LAMA3: variants seen among roughly 807,000 people sequenced by gnomAD.
LAMA3 encodes the protein laminin subunit alpha-3.
LAMA3 carries 281 observed loss-of-function variants against 402.0 expected under a neutral mutation model. The observed-to-expected ratio is 0.70, with a 90% CI of 0.63 to 0.77. The LOEUF is 0.77. Among genes scored for constraint, LAMA3 ranks in the 30% least tolerant of loss-of-function variants. LAMA3 has a pLI of 0.00. For synonymous variants in LAMA3, 1,431 were observed against 1,558.4 expected (o/e 0.92, Z 1.93); for missense variants, 3,840 against 4,215.5 (o/e 0.91, Z 2.47).
chr18:23,861,830 C>T, intron 35 of LAMA3, 23 bp downstream of exon 35: 1 of 1,603,522 alleles, frequency 6.2e-7, no homozygotes, highest in Non-Finnish European at 8.5e-7. Context: ...TGCTGTTCTT[C>T]TGGGCCCTCA....
At chr18:23,864,290 A>G (rs1023523189) in intron 35 of LAMA3, among the ~76,000 whole-genome samples, 1 of 151,598 alleles carries the variant, frequency 6.6e-6, no homozygotes, top group Non-Finnish European at 1.5e-5. Context: ...GCAGTGGTAC[A>G]ATAATAGCTC....
intron 12 of LAMA3, among the ~76,000 whole-genome samples, chr18:23,796,417 A>G (rs969757289): frequency 3.9e-5 from 6 of 152,178 alleles, no homozygotes; most frequent in Admixed American, 1.3e-4. Flanking sequence ...AGGTACCCCC[A>G]TGGTAAAATC....
chr18:23,916,383 G>A (rs1187352621), intron 59 of LAMA3, among the ~76,000 whole-genome samples, 168 bp from the exon 60 acceptor site: 1 of 152,134 alleles, frequency 6.6e-6, no homozygotes, highest in African/African-American at 2.4e-5. Flanking sequence ...GAAAGAGCTG[G>A]CTGCCTTAAC....
At chr18:23,799,394 G>T (rs1568196476) in intron 12 of LAMA3, among the ~76,000 whole-genome samples, 1 of 152,222 alleles carries the variant, frequency 6.6e-6, no homozygotes, top group Non-Finnish European at 1.5e-5. Context: ...GGATTTGGCA[G>T]TTTTTACTAA....
chr18:23,914,749 A>G lies in LAMA3; in HGVS notation c.7533A>G (p.Lys2511=). The G allele has an allele frequency of 6.2e-7, 1 of 1,613,718 alleles. No individual in the cohort carries two copies. The highest frequency in any genetic ancestry group is 8.5e-7 in the Non-Finnish European group (1 of 1,179,694). The change falls in exon 58 of 75, where the codon AAA becomes AAG. Residue 2511 remains lysine (K), a synonymous_variant. Coordinates refer to ENST00000313654, the MANE Select transcript of LAMA3 (RefSeq NM_198129.4). ...LNYTKGATSS[K]PETPGVYDMD... ...ACACCAAAGGAGCCACATCCAGTAA[A>G]CCAGAAACACCCGGAGTCTATGACA...
intron 1 of LAMA3, among the ~76,000 whole-genome samples, chr18:23,710,588 A>G (rs1342035058): frequency 6.6e-6 from 1 of 152,098 alleles, no homozygotes; most frequent in African/African-American, 2.4e-5. Flanking sequence ...TCACTTCTAG[A>G]TCCACAGTCT....
rs370761841 is a variant in LAMA3, at chr18:23,816,372, G to A, written c.2048-16G>A. The stretch of plus-strand genomic sequence containing the variant: ...GATGGTTTAAGGTATAACTGCTGCT[G>A]TTTCCTGGCTTTCAGGGTGTCAGTG... On this transcript the variant is annotated splice_polypyrimidine_tract_variant and intron_variant, in intron 17 of 74. Transcript: ENST00000313654. 3.1e-6 allele frequency: 5 copies of A among 1,610,404 alleles called. No individual in the cohort carries two copies. The highest frequency in any genetic ancestry group is 1.7e-4 in the Middle Eastern group (1 of 6,060).
intron 8 of LAMA3, among the ~76,000 whole-genome samples, chr18:23,772,330 G>C (rs1479957295): frequency 6.6e-6 from 1 of 152,202 alleles, no homozygotes; most frequent in Admixed American, 6.5e-5. Context: ...GTGAGCCACT[G>C]CACCTGGGCT....
rs550961372 is a variant in LAMA3 at position 23,880,641 on chromosome 18, G to A, written c.5113-1295G>A. ...TGCCTATAATCCCAGCACTTTGGGAGGCCGAGGCGGGCGAATCATGAAGTC... is the reference window on the plus strand; with the variant it reads ...TGCCTATAATCCCAGCACTTTGGGAAGCCGAGGCGGGCGAATCATGAAGTC... On this transcript the variant is annotated intron_variant, in intron 39 of 74. Transcript: ENST00000313654. 7.3e-4 allele frequency among the ~76,000 whole-genome samples: 111 copies of A among 152,236 alleles called. 1 individual carries two copies. Among genetic ancestry groups the A allele is most frequent in the Non-Finnish European group, 1.2e-3 (82 of 68,044 alleles).
At chr18:23,858,903 C>T (rs2064150305) in intron 34 of LAMA3, 74 bp downstream of exon 34, 2 of 1,434,050 alleles carry the variant, frequency 1.4e-6, no homozygotes, top group Non-Finnish European at 2.0e-6. Context: ...TCCCTCGCTG[C>T]TCCTTGGCCT....
intron 47 of LAMA3, among the ~76,000 whole-genome samples, chr18:23,900,845 G>A (rs2081046493): frequency 6.6e-6 from 1 of 152,172 alleles, no homozygotes; most frequent in African/African-American, 2.4e-5. Context: ...AAGCCCGACT[G>A]GCCATGTAAC....
At chr18:23,752,264 C>G (rs1238214987) in intron 5 of LAMA3, among the ~76,000 whole-genome samples, 1 of 152,076 alleles carries the variant, frequency 6.6e-6, no homozygotes, top group Admixed American at 6.5e-5. Flanking sequence ...GGCTGTGTTT[C>G]TGTTCCTCCA....
intron 62 of LAMA3, among the ~76,000 whole-genome samples, chr18:23,927,614 C>T (rs2082043612): frequency 6.6e-6 from 1 of 151,848 alleles, no homozygotes; most frequent in South Asian, 2.1e-4. Flanking sequence ...TTGAATAGAA[C>T]CAAAAAGTAA....
chr18:23,919,064 C>T (rs1287398230), intron 60 of LAMA3, among the ~76,000 whole-genome samples: 1 of 152,204 alleles, frequency 6.6e-6, no homozygotes, highest in African/African-American at 2.4e-5. Flanking sequence ...AGAAATACTA[C>T]TCATATAATA....
chr18:23,951,624 G>A (rs1050775054), intron 72 of LAMA3, 60 bp from the exon 73 acceptor site: 28 of 1,355,052 alleles, frequency 2.1e-5, no homozygotes, highest in Non-Finnish European at 2.9e-5. Flanking sequence ...GAAGATGGCA[G>A]GGGAAGGTCG....
chr18:23,954,960 T>C lies in LAMA3; in HGVS notation c.*312T>C. The C allele has an allele frequency of 3.0e-6, 1 of 336,266 alleles. No homozygotes were observed. The allele number at this position is 336,266 out of a possible 1,614,324, so 20.8% of individuals were successfully genotyped here. A position where few individuals can be genotyped will look rare whatever the true frequency, so the allele number is the denominator to read the frequency against. On this transcript the variant is annotated 3_prime_UTR_variant, in exon 75 of 75. Transcript: ENST00000313654. ...CTTTTAAGAAACATTCTTTTCCACT[T>C]GTTAAAAAAATTAAATATATTTTAA...
At chr18:23,822,727 G>T (rs1250244697) in intron 20 of LAMA3, among the ~76,000 whole-genome samples, 1 of 152,186 alleles carries the variant, frequency 6.6e-6, no homozygotes, top group Non-Finnish European at 1.5e-5. Flanking sequence ...AGAGATTTTG[G>T]CCCGCTGCCC....
At chr18:23,911,477 G>T (rs2081421720) in intron 55 of LAMA3, among the ~76,000 whole-genome samples, 1 of 152,044 alleles carries the variant, frequency 6.6e-6, no homozygotes, top group African/African-American at 2.4e-5. Flanking sequence ...AATTTGAATT[G>T]CCTCAACATG....
At chr18:23,713,147 C>T (rs938607357) in intron 1 of LAMA3, among the ~76,000 whole-genome samples, 2 of 152,100 alleles carry the variant, frequency 1.3e-5, no homozygotes, top group Non-Finnish European at 2.9e-5. Context: ...AATGGATCCC[C>T]ATTTACTTAC....
Sources: gnomAD v4.1 joint callset for allele counts (sites outside exome capture counted in the v4.1 genomes callset) on GRCh38, gnomAD v4.1.1 for gene constraint, MANE v1.5 for transcripts, NCBI Gene and HGNC (gene_info 2026-07-23, HGNC 2026-07-21) for gene names.